NEGR1: variants seen among roughly 807,000 people sequenced by gnomAD.
NEGR1 encodes neuronal growth regulator 1.
NEGR1 carries 10 observed loss-of-function variants against 40.9 expected under a neutral mutation model. The observed-to-expected ratio is 0.24, with a 90% CI of 0.15 to 0.42. NEGR1 has a LOEUF of 0.42. Ranked by LOEUF, NEGR1 falls within the 10% of genes least tolerant of loss-of-function variation. The probability of loss-of-function intolerance (pLI) is 1.00; values close to 1 mark genes in which losing one functional copy is unlikely to be tolerated. For synonymous variants in NEGR1, 185 were observed against 166.8 expected (o/e 1.11, Z -0.84); for missense variants, 352 against 438.9 (o/e 0.80, Z 1.77).
At chr1:72,067,233 T>C (rs1416483697) in intron 1 of NEGR1, among the ~76,000 whole-genome samples, 1 of 152,158 alleles carries the variant, frequency 6.6e-6, no homozygotes. Context: ...TGTTTGGTAA[T>C]ATCCTATACA....
chr1:72,227,750 T>G (rs1366108081), intron 1 of NEGR1, among the ~76,000 whole-genome samples: 3 of 152,078 alleles, frequency 2.0e-5, no homozygotes, highest in Non-Finnish European at 4.4e-5. Context: ...GGAGTCAAGA[T>G]GACCATAAAA....
chr1:72,202,980 C>T (rs1653269285), intron 1 of NEGR1, among the ~76,000 whole-genome samples: 2 of 151,796 alleles, frequency 1.3e-5, no homozygotes, highest in South Asian at 2.1e-4. Context: ...AAAAAAAAAT[C>T]GTTTTAAATA....
chr1:72,060,085 G>T (rs947158229), intron 1 of NEGR1, among the ~76,000 whole-genome samples: 1 of 151,540 alleles, frequency 6.6e-6, no homozygotes, highest in Non-Finnish European at 1.5e-5. Flanking sequence ...TTTTCATAAA[G>T]TTCATATTCA....
intron 4 of NEGR1, among the ~76,000 whole-genome samples, chr1:71,628,590 T>C (rs1349707083): frequency 1.3e-5 from 2 of 150,942 alleles, no homozygotes; most frequent in African/African-American, 4.9e-5. Context: ...ACAGGCCCCG[T>C]CGTGTGATAT....
chr1:72,216,393 A>ATATATACATATATATATATATGTATATC (rs1172513838), intron 1 of NEGR1, among the ~76,000 whole-genome samples: 2 of 139,692 alleles, frequency 1.4e-5, no homozygotes, highest in Non-Finnish European at 3.0e-5. Flanking sequence ...ACATATATAT[A>ATATATACATATATATATATATGTATATC]TATATATACA....
Position 71,496,119 on chromosome 1 carries a change from T to C in NEGR1, c.941-88549A>G, listed in dbSNP as rs370915191. On this transcript the variant is annotated intron_variant, in intron 6 of 6. Coordinates refer to ENST00000357731, the MANE Select transcript of NEGR1 (RefSeq NM_173808.3). ...ATATTTTTTCCTATTTCTTTTTTCA[T>C]GAAAGATGCCAATAGTCAGTGTGGT... 2.0e-5 allele frequency among the ~76,000 whole-genome samples: 3 copies of C among 152,180 alleles called. 1 individual carries two copies. In the East Asian group the frequency reaches 5.8e-4, roughly 29 times the overall value.
intron 4 of NEGR1, among the ~76,000 whole-genome samples, chr1:71,671,359 T>A (rs1277142556): frequency 6.6e-6 from 1 of 152,074 alleles, no homozygotes; most frequent in Non-Finnish European, 1.5e-5. Context: ...AAACATCATC[T>A]TTGAGGGGTA....
intron 2 of NEGR1, among the ~76,000 whole-genome samples, chr1:71,822,968 G>C (rs1012039704): frequency 5.9e-5 from 9 of 152,010 alleles, no homozygotes; most frequent in Non-Finnish European, 1.2e-4. Flanking sequence ...AGAGGAGAGA[G>C]TGCCATCCTC....
At chr1:71,473,438 C>T (rs1293149165) in intron 6 of NEGR1, among the ~76,000 whole-genome samples, 1 of 151,978 alleles carries the variant, frequency 6.6e-6, no homozygotes, top group East Asian at 1.9e-4. Context: ...CCTGTCAACC[C>T]AGAATTCTAC....
intron 2 of NEGR1, among the ~76,000 whole-genome samples, chr1:71,778,324 G>A (rs1357138184): frequency 6.6e-6 from 1 of 151,836 alleles, no homozygotes; most frequent in African/African-American, 2.4e-5. Context: ...CAACAATTAT[G>A]TTTTCATTTT....
At chr1:71,812,632 A>G (rs1475422846) in intron 2 of NEGR1, among the ~76,000 whole-genome samples, 1 of 151,944 alleles carries the variant, frequency 6.6e-6, no homozygotes, top group Non-Finnish European at 1.5e-5. Flanking sequence ...TTTGTTTTGC[A>G]TTTTTCTAAT....
rs76694442 is a variant in NEGR1, at chr1:71,500,608, A to T, written c.940+92209T>A. On this transcript the variant is annotated intron_variant, in intron 6 of 6. Coordinates refer to ENST00000357731, the MANE Select transcript of NEGR1 (RefSeq NM_173808.3). ...CTGATAATAGTACAGTTATCATTAC[A>T]TTAAAAAGTTATCATTACATTAAAT... 5.0e-3 allele frequency among the ~76,000 whole-genome samples: 755 copies of T among 152,198 alleles called. 8 individuals carry two copies. The highest frequency in any genetic ancestry group is 0.034 in the Middle Eastern group (10 of 294).
At chr1:72,070,647 C>T (rs1028185042) in intron 1 of NEGR1, among the ~76,000 whole-genome samples, 11 of 152,052 alleles carry the variant, frequency 7.2e-5, no homozygotes, top group South Asian at 2.1e-4. Flanking sequence ...AAAACCCAGA[C>T]TAACGCCATG....
chr1:71,690,142 C>T (rs1211106259), intron 4 of NEGR1, among the ~76,000 whole-genome samples: 1 of 152,012 alleles, frequency 6.6e-6, no homozygotes, highest in Non-Finnish European at 1.5e-5. Flanking sequence ...TACACATACA[C>T]AAAACACACA....
Position 71,918,182 on chromosome 1 carries a change from A to C in NEGR1, c.409+16897T>G, listed in dbSNP as rs1010937964. Among the ~76,000 whole-genome samples, 9 of 129,428 alleles carry C rather than the reference A, an allele frequency of 7.0e-5. 1 individual carries two copies. The Admixed American group carries it at 8.2e-4, about 12-fold the overall frequency. The allele number at this position is 129,428 out of a possible 152,430, so 84.9% of individuals were successfully genotyped here. A position where few individuals can be genotyped will look rare whatever the true frequency, so the allele number is the denominator to read the frequency against. ...CAGTGAGCCGAGATTGCGCCACTGC[A>C]CTCTAGCCTGGGCGACAGAACGAGA... On this transcript the variant is annotated intron_variant, in intron 2 of 6. Transcript: ENST00000357731.
At chr1:72,253,724 T>C (rs1053072011) in intron 1 of NEGR1, among the ~76,000 whole-genome samples, 15 of 152,138 alleles carry the variant, frequency 9.9e-5, no homozygotes, top group African/African-American at 3.1e-4. Context: ...ACTAATCCAA[T>C]GATGGATGCA....
intron 1 of NEGR1, among the ~76,000 whole-genome samples, chr1:72,107,725 T>C (rs752314527): frequency 2.6e-5 from 4 of 151,394 alleles, no homozygotes; most frequent in Non-Finnish European, 4.4e-5. Context: ...CTTAAGTGTA[T>C]ATATGTACAT....
intron 5 of NEGR1, among the ~76,000 whole-genome samples, chr1:71,600,675 A>G (rs984177424): frequency 1.3e-5 from 2 of 152,200 alleles, no homozygotes; most frequent in Non-Finnish European, 2.9e-5. Flanking sequence ...TGAGGGTAGA[A>G]TGGCAAGATT....
chr1:71,570,171 G>A (rs776624337), intron 6 of NEGR1, among the ~76,000 whole-genome samples: 6 of 152,134 alleles, frequency 3.9e-5, no homozygotes, highest in Non-Finnish European at 8.8e-5. Flanking sequence ...TTCTAGGAGG[G>A]AATCATTTAA....
Sources: allele counts gnomAD v4.1 joint callset (sites outside exome capture counted in the v4.1 genomes callset), GRCh38; gene constraint gnomAD v4.1.1; transcripts MANE v1.5; gene names NCBI Gene and HGNC (gene_info 2026-07-23, HGNC 2026-07-21).